The following FBXO6 variants were observed in gnomAD, a reference collection of about 807,000 sequenced individuals.
The protein encoded by FBXO6 is F-box only protein 6.
FBXO6 carries 13 observed loss-of-function variants against 25.0 expected under a neutral mutation model. The observed-to-expected ratio is 0.52, with a 90% CI of 0.34 to 0.83. The LOEUF is 0.83. Among genes scored for constraint, FBXO6 ranks in the 40% least tolerant of loss-of-function variants. FBXO6 has a pLI of 0.02. For missense variants in FBXO6, 370 were observed against 380.2 expected, an observed-to-expected ratio of 0.97 and a Z score of 0.22; for synonymous variants, 138 against 155.3, an observed-to-expected ratio of 0.89 and a Z score of 0.83.
chr1:11,672,067 C>A (rs773803557), intron 4 of FBXO6, 44 bp downstream of exon 4: 1 of 1,518,918 alleles, frequency 6.6e-7, no homozygotes, highest in Non-Finnish European at 9.1e-7. Context: ...CTACATGCTC[C>A]TCTTACTGCG....
At chr1:11,671,877 G>A (rs763425979) in intron 3 of FBXO6, 51 bp from the exon 4 acceptor site, 8 of 1,511,146 alleles carry the variant, frequency 5.3e-6, no homozygotes, top group Non-Finnish European at 5.5e-6. Flanking sequence ...GTGAGGGGGG[G>A]GGCCATGCAG....
chr1:11,668,420 C>T (rs1640506885), intron 1 of FBXO6, among the ~76,000 whole-genome samples: 1 of 148,778 alleles, frequency 6.7e-6, no homozygotes, highest in Non-Finnish European at 1.5e-5. Flanking sequence ...TTTTTTTAGC[C>T]AGAGTCTTGC....
chr1:11,670,796 C>T (rs1320457666), intron 2 of FBXO6, among the ~76,000 whole-genome samples: 3 of 152,088 alleles, frequency 2.0e-5, no homozygotes, highest in Admixed American at 1.3e-4. Flanking sequence ...ACAGGCCTCT[C>T]GTAATTTTTT....
chr1:11,671,777 GC>G (rs1640621561), intron 3 of FBXO6, 150 bp from the exon 4 acceptor site: 2 of 703,976 alleles, frequency 2.8e-6, no homozygotes, highest in Admixed American at 2.2e-5. Context: ...GCCAGAGTCA[GC>G]CCCAGCCAGT....
intron 2 of FBXO6, among the ~76,000 whole-genome samples, chr1:11,670,144 C>T (rs1168723107): frequency 8.0e-5 from 12 of 149,802 alleles, no homozygotes; most frequent in Non-Finnish European, 1.5e-4. Flanking sequence ...ACCTGGGAGG[C>T]GGAGCTTGCA....
At chr1:11,667,948 T>C (rs1199083520) in intron 1 of FBXO6, among the ~76,000 whole-genome samples, 3 of 151,986 alleles carry the variant, frequency 2.0e-5, no homozygotes, top group Admixed American at 6.6e-5. Flanking sequence ...GAAAATTAGC[T>C]GGGTATGGTG....
rs1231804771 is a variant in FBXO6, at chr1:11,673,481, A to G, written c.645+69A>G. On this transcript the variant is annotated intron_variant, in intron 5 of 5. Coordinates refer to ENST00000376753, the MANE Select transcript of FBXO6 (RefSeq NM_018438.6). The surrounding 1 kb of genome is among the most constrained non-coding windows in gnomAD (Gnocchi z 4.3). ...GCCAGGATGGCAGGAAGCAAAGGGC[A>G]GCCTCAGGGCCCAGGGTGCCCCTGC... The G allele has an allele frequency of 3.1e-6, 5 of 1,593,520 alleles. No individual in the cohort carries two copies. The highest frequency in any genetic ancestry group is 3.4e-6 in the Non-Finnish European group (4 of 1,167,498).
intron 1 of FBXO6, among the ~76,000 whole-genome samples, chr1:11,667,379 G>A (rs543330594): frequency 2.6e-5 from 4 of 152,288 alleles, no homozygotes; most frequent in African/African-American, 9.6e-5. Flanking sequence ...GGCACTGCTT[G>A]AAGTTTTCCA....
At chr1:11,666,877 G>C (rs3117069) in intron 1 of FBXO6, among the ~76,000 whole-genome samples, 19,839 of 152,204 alleles carry the variant, frequency 0.13, 1,546 homozygotes, top group South Asian at 0.25. Context: ...GCTGGGTACA[G>C]TGGCTCACAC....
chr1:11,667,709 G>C (rs1399444390), intron 1 of FBXO6, among the ~76,000 whole-genome samples: 3 of 152,154 alleles, frequency 2.0e-5, no homozygotes, highest in Non-Finnish European at 2.9e-5. Context: ...GTGACTTCCA[G>C]GCCAAAGTAA....
At chr1:11,670,631 A>G (rs1368486050) in intron 2 of FBXO6, among the ~76,000 whole-genome samples, 1 of 97,734 alleles carries the variant, frequency 1.0e-5, no homozygotes, top group African/African-American at 5.1e-5. Context: ...TACTTATTAA[A>G]AAAAAAAGGG....
At chr1:11,672,054 A>T in intron 4 of FBXO6, 31 bp downstream of exon 4, 1 of 1,564,294 alleles carries the variant, frequency 6.4e-7, no homozygotes. Context: ...GTGTCCCCAC[A>T]CTCTACATGC....
chr1:11,673,734 T>C lies in FBXO6; in HGVS notation c.765T>C (p.Ile255=), dbSNP rs533788403. 3.1e-6 allele frequency: 5 copies of C among 1,613,918 alleles called. No individual in the cohort carries two copies. The African/African-American group carries it at 4.0e-5, about 13-fold the overall frequency. The stretch of plus-strand genomic sequence containing the variant: ...GGCCCCGAGTCACCAACAGCAGCAT[T>C]GTCGTCAGCCCCAAGATGACCAGGA... ...WYGPRVTNSS[I]VVSPKMTRNQ... The change falls in exon 6 of 6, where the codon ATT becomes ATC. Residue 255 remains isoleucine, a synonymous_variant. Coordinates refer to ENST00000376753, the MANE Select transcript of FBXO6 (RefSeq NM_018438.6). The surrounding 1 kb of genome is among the most constrained non-coding windows in gnomAD (Gnocchi z 4.3).
At chr1:11,667,158 A>G (rs943263466) in intron 1 of FBXO6, among the ~76,000 whole-genome samples, 2 of 150,012 alleles carry the variant, frequency 1.3e-5, no homozygotes, top group South Asian at 2.1e-4. Flanking sequence ...GGTGGGGGGG[A>G]AGAAAAAAAA....
At chr1:11,667,005 G>A (rs1640457086) in intron 1 of FBXO6, among the ~76,000 whole-genome samples, 1 of 152,070 alleles carries the variant, frequency 6.6e-6, no homozygotes, top group Non-Finnish European at 1.5e-5. Context: ...AAATTAGCTG[G>A]GTGTGGTGGC....
At position 11,673,996 on chromosome 1, in the gene FBXO6, G is replaced by A; in HGVS notation, c.*145G>A. ...TGGTAACTTACTGTCACATAGCTCT[G>A]ACGTTTTGTTGTAATAAATGTTTTC... is the stretch of plus-strand genomic sequence containing the variant. On this transcript the variant is annotated 3_prime_UTR_variant, in exon 6 of 6. Transcript: ENST00000376753. This position sits in a 1 kb window ranked among gnomAD's most constrained non-coding sequence, Gnocchi z 4.3. The A allele has an allele frequency of 1.4e-6, 1 of 694,002 alleles. No individual in the cohort carries two copies. The highest frequency in any genetic ancestry group is 1.8e-5 in the South Asian group (1 of 56,392). The allele number at this position is 694,002 out of a possible 1,614,324, so 43.0% of individuals were successfully genotyped here.
At chr1:11,668,395 T>C (rs1239860712) in intron 1 of FBXO6, among the ~76,000 whole-genome samples, 2 of 134,384 alleles carry the variant, frequency 1.5e-5, no homozygotes, top group Non-Finnish European at 3.0e-5. Context: ...AAATGCTCTT[T>C]TGTGGGTTTT....
At chr1:11,672,184 C>A in intron 4 of FBXO6, 161 bp downstream of exon 4, 1 of 626,730 alleles carries the variant, frequency 1.6e-6, no homozygotes, top group Non-Finnish European at 2.8e-6. Flanking sequence ...CACCCTGCGG[C>A]ACCTCCTGGC....
chr1:11,665,685 C>T (rs186861533), intron 1 of FBXO6, among the ~76,000 whole-genome samples: 2,076 of 151,166 alleles, frequency 0.014, 73 homozygotes, highest in African/African-American at 0.048. Flanking sequence ...CTCACCCTCC[C>T]GAGTAGCTGG....
Sources: allele counts gnomAD v4.1 joint callset (sites outside exome capture counted in the v4.1 genomes callset), GRCh38; gene constraint gnomAD v4.1.1; non-coding constraint Gnocchi (gnomAD v3.1); transcripts MANE v1.5; gene names NCBI Gene and HGNC (gene_info 2026-07-23, HGNC 2026-07-21).